Variants in BTNL2 observed in about 807,000 individuals in gnomAD.
The protein encoded by BTNL2 is butyrophilin like 2, also known as butyrophilin-like protein 2.
In BTNL2, 46 loss-of-function variants were observed where a neutral mutation model predicts 46.8. That is an observed-to-expected ratio of 0.98 (90% CI 0.78 to 1.26). The LOEUF is 1.26. Ranked by LOEUF, BTNL2 falls within the 50% of genes most tolerant of loss-of-function variation. BTNL2 has a pLI of 0.00. For missense variants in BTNL2, 461 were observed against 592.6 expected, an observed-to-expected ratio of 0.78 and a Z score of 2.31; for synonymous variants, 226 against 229.1, an observed-to-expected ratio of 0.99 and a Z score of 0.12.
rs1462872455 is a variant in BTNL2 at position 32,402,994 on chromosome 6, G to T, written c.650C>A (p.Ser217Tyr). The T allele has an allele frequency of 6.2e-7, 1 of 1,613,048 alleles. No individual in the cohort carries two copies. The highest frequency in any genetic ancestry group is 2.2e-5 in the East Asian group (1 of 44,886). ...VVRNASAESVSCLVHNPVLTE... is the reference protein window; with the variant it reads ...VVRNASAESVYCLVHNPVLTE... ...GAGGACGGGGTTGTGGACCAAGCAG[G>T]ACACAGACTCTGCAGAGGCGTTCCT... Residue 217 changes from serine (S) to tyrosine (Y), a missense_variant, in exon 3 of 8, where the codon TCC (serine) becomes TAC (tyrosine). Ser to Tyr is a moderately radical substitution (Grantham distance 144). Coordinates refer to ENST00000454136, the MANE Select transcript of BTNL2 (RefSeq NM_001304561.2).
intron 4 of BTNL2, among the ~76,000 whole-genome samples, chr6:32,400,572 G>A (rs950063907): frequency 2.6e-5 from 4 of 151,900 alleles, no homozygotes; most frequent in African/African-American, 9.7e-5. Flanking sequence ...ACTTATCTCA[G>A]GTGCAGCAAA....
At position 32,405,048 on chromosome 6, in the gene BTNL2, A is replaced by C; in HGVS notation, c.318T>G (p.Asn106Lys). Residue 106 changes from asparagine to lysine, a missense_variant, in exon 2 of 8, where the codon AAT becomes AAG. Physicochemically the swap from Asn to Lys is moderately conservative, Grantham distance 94. Transcript: ENST00000454136. The stretch of plus-strand genomic sequence containing the variant: ...GGATGTTGTGTATCTTCAGTGCCAC[A>C]TTTCCCTTTGCAATGCCATTCTCTA... ...EWIENGIAKG[N>K]VALKIHNIQP... 6.2e-7 allele frequency: 1 copy of C among 1,612,970 alleles called. No homozygotes were observed. Among genetic ancestry groups the C allele is most frequent in the Non-Finnish European group, 8.5e-7 (1 of 1,180,014 alleles).
In BTNL2 at chr6:32,402,942, G is replaced by A; in HGVS notation, c.702C>T (p.Ser234=). 6.2e-7 allele frequency: 1 copy of A among 1,612,498 alleles called. No individual in the cohort carries two copies. Among genetic ancestry groups the A allele is most frequent in the Non-Finnish European group, 8.5e-7 (1 of 1,179,664 alleles). ...VLTEEKGSVI[S]LPEKLQTELA... is the part of the protein sequence containing the mutation. ...TAGAGGCAGAGCACTGACCTGGGAGGCTGATGACCGACCCCTTCTCCTCAG... is the reference window on the plus strand; with the variant it reads ...TAGAGGCAGAGCACTGACCTGGGAGACTGATGACCGACCCCTTCTCCTCAG... Residue 234 remains serine, a synonymous_variant, in exon 3 of 8, where the codon AGC becomes AGT. Coordinates refer to ENST00000454136, the MANE Select transcript of BTNL2 (RefSeq NM_001304561.2).
chr6:32,404,828 A>G, intron 2 of BTNL2, 111 bp downstream of exon 2: 1 of 1,036,150 alleles, frequency 9.7e-7, no homozygotes. Context: ...AGGACTAAGC[A>G]TTAGGAATTA....
At chr6:32,398,110 C>G (rs1167898378) in intron 4 of BTNL2, among the ~76,000 whole-genome samples, 1 of 152,098 alleles carries the variant, frequency 6.6e-6, no homozygotes, top group Non-Finnish European at 1.5e-5. Context: ...TTTCCTGGGC[C>G]CAAGCTATAT....
chr6:32,401,707 T>G, intron 4 of BTNL2, 78 bp downstream of exon 4: 1 of 1,392,848 alleles, frequency 7.2e-7, no homozygotes, highest in Non-Finnish European at 9.9e-7. Flanking sequence ...GGTCACATGG[T>G]CTCGTGGTAG....
At position 32,407,061 on chromosome 6, in the gene BTNL2, C is replaced by A. The variant is rs769207303; in HGVS notation, c.63G>T (p.Leu21=). 1 of 1,612,900 alleles carries A rather than the reference C, an allele frequency of 6.2e-7. No individual in the cohort carries two copies. The highest frequency in any genetic ancestry group is 8.5e-7 in the Non-Finnish European group (1 of 1,179,940). Residue 21 remains leucine (L), a synonymous_variant, in exon 1 of 8, where the codon CTG becomes CTT. Transcript: ENST00000454136. The stretch of plus-strand genomic sequence containing the variant: ...GAATCCTACCTGACTGCTTCATTGT[C>A]AGCAGGATGAATAGGAAGGAGGCGA... The part of the protein sequence containing the change: ...GAVASFLFIL[L]TMKQSEDFRV...
intron 1 of BTNL2, chr6:32,406,518 T>G (rs1455726842): frequency 6.6e-6 from 1 of 152,218 alleles, no homozygotes; most frequent in Non-Finnish European, 1.5e-5. Context: ...ACTGATTTTT[T>G]TTTTTTGACA....
At chr6:32,400,932 G>A (rs9268489) in intron 4 of BTNL2, among the ~76,000 whole-genome samples, 3,749 of 123,962 alleles carry the variant, frequency 0.03, 198 homozygotes, top group Middle Eastern at 0.14. Context: ...AAAAATGCCC[G>A]GCGTGGTGGC....
chr6:32,405,573 T>G, intron 1 of BTNL2: 1 of 437,246 alleles, frequency 2.3e-6, no homozygotes, highest in South Asian at 2.1e-5. Flanking sequence ...ATTTTGAGAT[T>G]TGAAGTCCTA....
rs556398373 is a variant in BTNL2, at chr6:32,401,022, C to T, written c.730+763G>A. 2.1e-5 allele frequency among the ~76,000 whole-genome samples: 3 copies of T among 139,858 alleles called. 1 individual carries two copies. In the Admixed American group the frequency reaches 2.2e-4, roughly 10 times the overall value. The allele number at this position is 139,858 out of a possible 152,430, so 91.8% of individuals were successfully genotyped here. A position where few individuals can be genotyped will look rare whatever the true frequency, so the allele number is the denominator to read the frequency against. On this transcript the variant is annotated intron_variant, in intron 4 of 7. Coordinates refer to ENST00000454136, the MANE Select transcript of BTNL2 (RefSeq NM_001304561.2). ...AGGAGATCGAGACCATCCTGGCTAA[C>T]ACGGTGAAATCTCGTCTCTACTAAA...
chr6:32,395,989 A>G, intron 5 of BTNL2, 50 bp downstream of exon 5: 2 of 1,418,280 alleles, frequency 1.4e-6, no homozygotes, highest in Non-Finnish European at 1.9e-6. Flanking sequence ...TAGCATATTA[A>G]AGTGGCAGGA....
intron 5 of BTNL2, among the ~76,000 whole-genome samples, chr6:32,395,557 T>A (rs1229008856): frequency 6.6e-6 from 1 of 152,190 alleles, no homozygotes; most frequent in Non-Finnish European, 1.5e-5. Flanking sequence ...ACGTTTCAAT[T>A]CTCACACACA....
rs1776297168 is a variant in BTNL2 at position 32,394,223 on chromosome 6, G to A, written c.1361-166C>T. Among the ~76,000 whole-genome samples the A allele has an allele frequency of 1.3e-5, 2 of 152,322 alleles. No individual in the cohort carries two copies. The highest frequency in any genetic ancestry group is 4.1e-4 in the South Asian group (2 of 4,826). On this transcript the variant is annotated intron_variant, in intron 6 of 7. Coordinates refer to ENST00000454136, the MANE Select transcript of BTNL2 (RefSeq NM_001304561.2). This position sits in a 1 kb window ranked among gnomAD's most constrained non-coding sequence, Gnocchi z 4.6. ...GCTCTGGAGATGCAGAGGAGAGAAT[G>A]CAAGTATTTCATGTTTGCTCGTCTC... is the stretch of plus-strand genomic sequence containing the variant.
intron 4 of BTNL2, among the ~76,000 whole-genome samples, chr6:32,401,444 A>G (rs1302745260): frequency 6.6e-6 from 1 of 152,042 alleles, no homozygotes; most frequent in Non-Finnish European, 1.5e-5. Context: ...AAGGGCCTCC[A>G]GGCCCCGGCC....
rs1776266401 is a variant in BTNL2 at position 32,393,802 on chromosome 6, T to C, written c.*6+161A>G. 4.2e-6 allele frequency: 4 copies of C among 953,718 alleles called. No individual in the cohort carries two copies. Among genetic ancestry groups the C allele is most frequent in the Non-Finnish European group, 4.5e-6 (3 of 672,680 alleles). The allele number at this position is 953,718 out of a possible 1,614,324, so 59.1% of individuals were successfully genotyped here. On this transcript the variant is annotated intron_variant, in intron 7 of 7. Coordinates refer to ENST00000454136, the MANE Select transcript of BTNL2 (RefSeq NM_001304561.2). The surrounding 1 kb of genome is among the most constrained non-coding windows in gnomAD (Gnocchi z 4.8). ...ACCTCATGCATCACTGAGCCTGGAT[T>C]GCATGATAAGCCCTGGGCTTTCCTG...
chr6:32,393,898 T>G lies in BTNL2; in HGVS notation c.*6+65A>C. 1 of 1,516,550 alleles carries G rather than the reference T, an allele frequency of 6.6e-7. No homozygotes were observed. Among genetic ancestry groups the G allele is most frequent in the Non-Finnish European group, 8.8e-7 (1 of 1,131,392 alleles). 93.9% of individuals were successfully genotyped at this position (1,516,550 alleles called of 1,614,324 possible). ...ATAGGTGACTTGTGAAAAGGGAGGC[T>G]CGGGGAAGTACGCAGTACGGTTCCC... On this transcript the variant is annotated intron_variant, in intron 7 of 7. Coordinates refer to ENST00000454136, the MANE Select transcript of BTNL2 (RefSeq NM_001304561.2). This position sits in a 1 kb window ranked among gnomAD's most constrained non-coding sequence, Gnocchi z 4.8.
chr6:32,403,075 T>C lies in BTNL2; in HGVS notation c.569A>G (p.Glu190Gly). ...IRGEKLLAVSEHRIQDKDGLF... is the reference protein window; with the variant it reads ...IRGEKLLAVSGHRIQDKDGLF... ...GCCATCTTTATCTTGGATGCGATGC[T>C]CAGACACGGCCAGCAGCTTCTCTCC... is the stretch of plus-strand genomic sequence containing the variant. Residue 190 changes from glutamate (E) to glycine (G), a missense_variant, in exon 3 of 8, where the codon GAG (glutamate) becomes GGG (glycine). Coordinates refer to ENST00000454136, the MANE Select transcript of BTNL2 (RefSeq NM_001304561.2). 1.2e-6 allele frequency: 2 copies of C among 1,612,886 alleles called. No homozygotes were observed. The highest frequency in any genetic ancestry group is 1.7e-6 in the Non-Finnish European group (2 of 1,179,926).
In BTNL2 at chr6:32,403,346, C is replaced by T; in HGVS notation, c.428-130G>A. ...GGAGTCTGAGGAGCAGAAAGTCGAC[C>T]TCAGTCTCCCCATTCAAATGTGAGT... On this transcript the variant is annotated intron_variant, in intron 2 of 7. Coordinates refer to ENST00000454136, the MANE Select transcript of BTNL2 (RefSeq NM_001304561.2). The T allele has an allele frequency of 3.2e-6, 3 of 941,214 alleles. No homozygotes were observed. In the East Asian group the frequency reaches 8.0e-5, roughly 25 times the overall value. 58.3% of individuals were successfully genotyped at this position (941,214 alleles called of 1,614,324 possible).
Sources: allele counts gnomAD v4.1 joint callset (sites outside exome capture counted in the v4.1 genomes callset), GRCh38; gene constraint gnomAD v4.1.1; non-coding constraint Gnocchi (gnomAD v3.1); transcripts MANE v1.5; gene names NCBI Gene and HGNC (gene_info 2026-07-23, HGNC 2026-07-21).